Variants in CHD6 observed in about 807,000 individuals in gnomAD.
The protein encoded by CHD6 is ATP-dependent chromatin remodeler CHD6.
In CHD6, 50 loss-of-function variants were observed where a neutral mutation model predicts 276.9. The observed-to-expected ratio is 0.18, with a 90% CI of 0.14 to 0.23. The LOEUF is 0.23. CHD6 is among the 10% of genes least tolerant of loss of function. CHD6 has a pLI of 1.00. For synonymous variants in CHD6, 1,173 were observed against 1,229.3 expected (o/e 0.95, Z 0.96); for missense variants, 2,564 against 3,365.8 (o/e 0.76, Z 5.89).
At chr20:41,544,670 A>T (rs1024639558) in intron 2 of CHD6, among the ~76,000 whole-genome samples, 7 of 150,334 alleles carry the variant, frequency 4.7e-5, no homozygotes, top group Non-Finnish European at 1.0e-4. Flanking sequence ...TTTAATGTTA[A>T]TATTTTATAC....
chr20:41,565,750 C>A (rs1011266140), intron 1 of CHD6, among the ~76,000 whole-genome samples: 2 of 152,084 alleles, frequency 1.3e-5, no homozygotes, highest in Non-Finnish European at 2.9e-5. Context: ...GAGATCAGGA[C>A]TGGAAATGTT....
chr20:41,421,674 G>A lies in CHD6; in HGVS notation c.4961C>T (p.Ser1654Phe), dbSNP rs41278118. The stretch of plus-strand genomic sequence containing the variant: ...TAGATTTTCAGGTTCATTTTCAAGG[G>A]ACTCTGAAGTCCTACTCATTTGAGA... ...TYSQMSRTSE[S>F]LENEPENLVR... The change falls in exon 31 of 37, where the codon TCC (serine) becomes TTC (phenylalanine). Residue 1654 changes from serine to phenylalanine, a missense_variant. This residue lies in a region of CHD6 where 1,024 missense variants were observed against 1,047.9 expected (regional missense o/e 0.98). Coordinates refer to ENST00000373233, the MANE Select transcript of CHD6 (RefSeq NM_032221.5). 0.017 allele frequency: 27,148 copies of A among 1,613,348 alleles called. 322 individuals carry two copies. The highest frequency in any genetic ancestry group is 0.031 in the South Asian group (2,807 of 90,996).
intron 1 of CHD6, among the ~76,000 whole-genome samples, chr20:41,597,904 T>C (rs6102488): frequency 6.6e-6 from 1 of 152,104 alleles, no homozygotes; most frequent in Non-Finnish European, 1.5e-5. Context: ...CTGGGCAGAT[T>C]CTATTAACTG....
At chr20:41,487,054 A>T (rs2043432544) in intron 14 of CHD6, among the ~76,000 whole-genome samples, 1 of 152,216 alleles carries the variant, frequency 6.6e-6, no homozygotes, top group African/African-American at 2.4e-5. Context: ...TTATTTCTAT[A>T]ATCCCTAGTG....
At chr20:41,427,465 C>T (rs1206420350) in intron 27 of CHD6, among the ~76,000 whole-genome samples, 1 of 152,186 alleles carries the variant, frequency 6.6e-6, no homozygotes, top group Non-Finnish European at 1.5e-5. Flanking sequence ...GCTCATTTTA[C>T]AGATGCAGAA....
At chr20:41,406,709 T>G (rs2046686970) in intron 36 of CHD6, among the ~76,000 whole-genome samples, 1 of 152,240 alleles carries the variant, frequency 6.6e-6, no homozygotes. Context: ...CAGGACTTAG[T>G]GCCGCAGTCC....
At chr20:41,580,123 T>G (rs1185739935) in intron 1 of CHD6, among the ~76,000 whole-genome samples, 2 of 152,164 alleles carry the variant, frequency 1.3e-5, no homozygotes, top group Admixed American at 1.3e-4. Context: ...GTCTACTACA[T>G]GTATAGAAGA....
intron 17 of CHD6, among the ~76,000 whole-genome samples, chr20:41,462,705 C>T (rs1344506447): frequency 1.3e-5 from 2 of 152,108 alleles, no homozygotes; most frequent in African/African-American, 4.8e-5. Context: ...CATACATATA[C>T]ATAAAGGTAC....
chr20:41,406,932 G>C (rs2046694965), intron 36 of CHD6, among the ~76,000 whole-genome samples: 1 of 152,218 alleles, frequency 6.6e-6, no homozygotes, highest in Admixed American at 6.5e-5. Flanking sequence ...CTGACTGCCT[G>C]GGCATCTTCT....
At position 41,473,577 on chromosome 20, in the gene CHD6, C is replaced by T. The variant is rs987813762; in HGVS notation, c.2469-60G>A. 6.5e-6 allele frequency: 9 copies of T among 1,393,790 alleles called. No homozygotes were observed. The Admixed American group carries it at 1.2e-4, about 19-fold the overall frequency. 86.3% of individuals were successfully genotyped at this position (1,393,790 alleles called of 1,614,324 possible). A position where few individuals can be genotyped will look rare whatever the true frequency, so the allele number is the denominator to read the frequency against. On this transcript the variant is annotated intron_variant, in intron 16 of 36. Coordinates refer to ENST00000373233, the MANE Select transcript of CHD6 (RefSeq NM_032221.5). The surrounding 1 kb of genome is among the most constrained non-coding windows in gnomAD (Gnocchi z 4.1). ...TAATCATGACTTCAATGGAGAACAG[C>T]ACAAAATGCAGGAAGCTGTCGACTG...
At chr20:41,409,285 TTTGG>T (rs1160235486) in intron 36 of CHD6, among the ~76,000 whole-genome samples, 8 of 152,270 alleles carry the variant, frequency 5.3e-5, no homozygotes, top group Admixed American at 5.2e-4. Flanking sequence ...CCAGGCGGGC[TTTGG>T]CAGCTCTCCC....
intron 1 of CHD6, among the ~76,000 whole-genome samples, chr20:41,552,058 A>G (rs1271463177): frequency 1.3e-5 from 2 of 152,170 alleles, no homozygotes; most frequent in East Asian, 1.9e-4. Flanking sequence ...TAGAGGTACA[A>G]AAGTGTGTCG....
chr20:41,501,940 C>T (rs1224865295), intron 5 of CHD6, among the ~76,000 whole-genome samples: 1 of 152,046 alleles, frequency 6.6e-6, no homozygotes, highest in East Asian at 1.9e-4. Context: ...ATTTGGATAT[C>T]CTCTTTTGTG....
intron 33 of CHD6, 63 bp downstream of exon 33, chr20:41,416,525 A>G: frequency 6.8e-7 from 1 of 1,467,964 alleles, no homozygotes; most frequent in South Asian, 1.3e-5. Context: ...AATGAACTCA[A>G]CAGAGACGTG....
chr20:41,532,923 G>T, intron 3 of CHD6, 127 bp downstream of exon 3: 1 of 1,059,002 alleles, frequency 9.4e-7, no homozygotes, highest in Non-Finnish European at 1.3e-6. Context: ...TCCTATACAG[G>T]TGAGATGTGA....
rs1023313185 is a variant in CHD6, at chr20:41,404,254, T to C, written c.*339A>G. On this transcript the variant is annotated 3_prime_UTR_variant, in exon 37 of 37. Coordinates refer to ENST00000373233, the MANE Select transcript of CHD6 (RefSeq NM_032221.5). ...CTTCAATGGTAAAACCCTAGACAGC[T>C]TTCTTTTGCCATTTTTCCTCCTCAA... The C allele has an allele frequency of 3.6e-5, 39 of 1,088,510 alleles. No individual in the cohort carries two copies. The highest frequency in any genetic ancestry group is 4.8e-5 in the African/African-American group (3 of 61,912). The allele number at this position is 1,088,510 out of a possible 1,614,324, so 67.4% of individuals were successfully genotyped here.
Position 41,512,873 on chromosome 20 carries a change from T to C in CHD6, c.825A>G (p.Ser275=). The change falls in exon 5 of 37, where the codon TCA becomes TCG. Residue 275 remains serine, a synonymous_variant. Transcript: ENST00000373233. Reference sequence around the variant, plus strand: ...CCGCCTGCCAGGCCAGTGTAGAGGCTGAGAGTGCAGATGTTCGACCAGCTC... The same window carrying C: ...CCGCCTGCCAGGCCAGTGTAGAGGCCGAGAGTGCAGATGTTCGACCAGCTC... ...VLGAGRTSAL[S]ASTLAWQAEE... The C allele has an allele frequency of 6.2e-7, 1 of 1,614,010 alleles. No homozygotes were observed. The highest frequency in any genetic ancestry group is 1.7e-4 in the Middle Eastern group (1 of 6,058).
chr20:41,558,555 C>T (rs2045265238), intron 1 of CHD6, among the ~76,000 whole-genome samples: 1 of 152,196 alleles, frequency 6.6e-6, no homozygotes, highest in Admixed American at 6.5e-5. Context: ...TCTAAGGATG[C>T]TCCTATTAAG....
chr20:41,521,850 G>C (rs950151737), intron 3 of CHD6, among the ~76,000 whole-genome samples: 17 of 152,236 alleles, frequency 1.1e-4, no homozygotes, highest in African/African-American at 3.4e-4. Context: ...AAATAAGTTA[G>C]CTTGAAGAGC....
Sources: gnomAD v4.1 joint callset for allele counts (sites outside exome capture counted in the v4.1 genomes callset) on GRCh38, gnomAD v4.1.1 for gene constraint, gnomAD v4.1.1 regional missense constraint, Gnocchi (gnomAD v3.1) non-coding constraint, MANE v1.5 for transcripts, NCBI Gene and HGNC (gene_info 2026-07-23, HGNC 2026-07-21) for gene names.